TMEM87A: variants seen among roughly 807,000 people sequenced by gnomAD.
TMEM87A encodes the protein Golgi-pH regulating cation channel.
Under a neutral mutation model 90.0 loss-of-function variants are expected in TMEM87A, and 50 were observed. That is an observed-to-expected ratio of 0.56 (90% confidence interval 0.44 to 0.70). TMEM87A has a LOEUF of 0.70. Ranked by LOEUF, TMEM87A falls within the 30% of genes least tolerant of loss-of-function variation. The pLI is 0.00. For synonymous variants in TMEM87A, 226 were observed against 226.7 expected (o/e 1.00, Z 0.03); for missense variants, 577 against 660.5 (o/e 0.87, Z 1.39).
At chr15:42,223,344 G>C (rs1183699807) in intron 15 of TMEM87A, among the ~76,000 whole-genome samples, 1 of 152,078 alleles carries the variant, frequency 6.6e-6, no homozygotes, top group Non-Finnish European at 1.5e-5. Context: ...AGTGGGCCAA[G>C]GTTGCTCCAC....
intron 19 of TMEM87A, among the ~76,000 whole-genome samples, chr15:42,216,720 G>A (rs550465218): frequency 3.9e-4 from 59 of 152,222 alleles, no homozygotes; most frequent in South Asian, 3.5e-3. Context: ...TCAACACATA[G>A]AACAGCTAAG....
chr15:42,258,334 T>C (rs2051222039), intron 6 of TMEM87A: 2 of 684,780 alleles, frequency 2.9e-6, no homozygotes, highest in Non-Finnish European at 3.6e-6. Context: ...TGCATGGTAT[T>C]ATAGATTACT....
intron 11 of TMEM87A, chr15:42,231,812 T>C: frequency 2.7e-6 from 3 of 1,126,576 alleles, no homozygotes; most frequent in South Asian, 1.4e-5. Context: ...TAACCCTAAT[T>C]ACCCAATCAA....
At chr15:42,231,403 T>G (rs2050684689) in intron 11 of TMEM87A, 143 bp from the exon 12 acceptor site, 1 of 562,896 alleles carries the variant, frequency 1.8e-6, no homozygotes, top group Non-Finnish European at 3.0e-6. Context: ...ATTTGACACC[T>G]AATCATTCTT....
chr15:42,255,935 A>ATT (rs2051173053), intron 6 of TMEM87A, among the ~76,000 whole-genome samples: 1 of 23,746 alleles, frequency 4.2e-5, no homozygotes, highest in Non-Finnish European at 9.3e-5. Flanking sequence ...ACACCCAGCT[A>ATT]ATTTTTTTTT....
chr15:42,260,304 G>A lies in TMEM87A; in HGVS notation c.504+654C>T, dbSNP rs117187897. ...CAGGAGGATCACTTGAGCCCAAGAC[G>A]TCAAGGCTGCAGGGAGCCATCTTCA... On this transcript the variant is annotated intron_variant, in intron 6 of 19. Transcript: ENST00000389834. Among the ~76,000 whole-genome samples, 82 of 152,264 alleles carry A rather than the reference G, an allele frequency of 5.4e-4. No individual in the cohort carries two copies. The East Asian group carries it at 0.012, about 22-fold the overall frequency.
At chr15:42,243,305 TAAA>T (rs1162921161) in intron 7 of TMEM87A, among the ~76,000 whole-genome samples, 4 of 132,590 alleles carry the variant, frequency 3.0e-5, no homozygotes, top group African/African-American at 1.4e-4. Flanking sequence ...AATAAATAAA[TAAA>T]TAAATAAAAA....
chr15:42,229,604 G>C (rs1041994902), intron 12 of TMEM87A, among the ~76,000 whole-genome samples: 4 of 132,056 alleles, frequency 3.0e-5, no homozygotes, highest in Non-Finnish European at 5.0e-5. Context: ...TAATCTCCCA[G>C]AGATCTACAC....
intron 3 of TMEM87A, among the ~76,000 whole-genome samples, chr15:42,266,614 G>A (rs1566942818): frequency 6.6e-6 from 1 of 151,980 alleles, no homozygotes; most frequent in Non-Finnish European, 1.5e-5. Context: ...CCCCTTATCA[G>A]GAACTAAGGC....
intron 12 of TMEM87A, among the ~76,000 whole-genome samples, 162 bp from the exon 13 acceptor site, chr15:42,228,982 ATGAATAAGAAAGTCATCATTT>A (rs1206905725): frequency 6.6e-6 from 1 of 152,042 alleles, no homozygotes; most frequent in Non-Finnish European, 1.5e-5. Context: ...ACACCTCAAG[ATGAATAAGAAAGTCATCATTT>A]TATTTTCTTT....
At chr15:42,223,878 CCT>C (rs747865029) in intron 15 of TMEM87A, among the ~76,000 whole-genome samples, 3 of 152,142 alleles carry the variant, frequency 2.0e-5, no homozygotes, top group Non-Finnish European at 2.9e-5. Context: ...GAAGAAAAAA[CCT>C]CTCTCATACC....
chr15:42,234,923 A>G (rs1236955729), intron 10 of TMEM87A, among the ~76,000 whole-genome samples: 1 of 152,096 alleles, frequency 6.6e-6, no homozygotes, highest in East Asian at 1.9e-4. Flanking sequence ...TCTGCTAACT[A>G]CTTCATCTTA....
Position 42,217,853 on chromosome 15 carries a change from C to T in TMEM87A, c.1596-20G>A. 1 of 1,609,600 alleles carries T rather than the reference C, an allele frequency of 6.2e-7. No individual in the cohort carries two copies. The highest frequency in any genetic ancestry group is 1.3e-5 in the African/African-American group (1 of 74,786). ...AGTGCTCTGCAAAGAGAGAGAAATA[C>T]TAAATTGAACAATGTAAAATAAAGC... On this transcript the variant is annotated intron_variant, in intron 18 of 19. Coordinates refer to ENST00000389834, the MANE Select transcript of TMEM87A (RefSeq NM_015497.5).
chr15:42,267,121 G>A (rs139696659), intron 3 of TMEM87A, among the ~76,000 whole-genome samples: 1,572 of 152,296 alleles, frequency 0.01, 25 homozygotes, highest in African/African-American at 0.035. Flanking sequence ...ACCTACTGAT[G>A]AGATGAAGAG....
At chr15:42,255,255 T>G (rs2140970025) in intron 6 of TMEM87A, among the ~76,000 whole-genome samples, 1 of 152,206 alleles carries the variant, frequency 6.6e-6, no homozygotes, top group South Asian at 2.1e-4. Flanking sequence ...TGCCTCAGCC[T>G]CCCAAGTAGC....
chr15:42,272,202 G>GA, intron 1 of TMEM87A, 79 bp from the exon 2 acceptor site: 1 of 1,050,108 alleles, frequency 9.5e-7, no homozygotes, highest in East Asian at 2.5e-5. Context: ...AAGACTGCTA[G>GA]AAATTCCAAC....
At chr15:42,236,135 G>C (rs1191898804) in intron 10 of TMEM87A, among the ~76,000 whole-genome samples, 185 bp downstream of exon 10, 1 of 152,114 alleles carries the variant, frequency 6.6e-6, no homozygotes, top group East Asian at 1.9e-4. Context: ...AATATATTTG[G>C]AAGTATGGAA....
intron 2 of TMEM87A, among the ~76,000 whole-genome samples, chr15:42,269,459 T>C (rs2051469103): frequency 6.6e-6 from 1 of 152,116 alleles, no homozygotes; most frequent in South Asian, 2.1e-4. Flanking sequence ...ATAGAATTTA[T>C]GGAAATGATA....
At chr15:42,269,894 C>T (rs1385760666) in intron 2 of TMEM87A, among the ~76,000 whole-genome samples, 1 of 138,328 alleles carries the variant, frequency 7.2e-6, no homozygotes, top group African/African-American at 2.7e-5. Context: ...CGAGATTGCG[C>T]CACTGCAATC....
Sources: allele counts gnomAD v4.1 joint callset (sites outside exome capture counted in the v4.1 genomes callset), GRCh38; gene constraint gnomAD v4.1.1; transcripts MANE v1.5; gene names NCBI Gene and HGNC (gene_info 2026-07-23, HGNC 2026-07-21).